TM7SF3: variants seen among roughly 807,000 people sequenced by gnomAD.
TM7SF3 encodes the protein transmembrane 7 superfamily member 3.
Under a neutral mutation model 65.5 loss-of-function variants are expected in TM7SF3, and 60 were observed. The ratio of observed to expected loss-of-function variants is 0.92; its 90% confidence interval spans 0.74 to 1.14. TM7SF3 has a LOEUF of 1.14. Among genes scored for constraint, TM7SF3 ranks in the 50% most tolerant of loss-of-function variants. The pLI, the probability that TM7SF3 is intolerant of heterozygous loss-of-function variation, is 0.00. For missense variants in TM7SF3, 623 were observed against 684.8 expected (o/e 0.91, Z 1.01); for synonymous variants, 264 against 259.6 (o/e 1.02, Z -0.16).
Position 27,003,859 on chromosome 12 carries a change from T to C in TM7SF3, c.92-469A>G, listed in dbSNP as rs190705293. Among the ~76,000 whole-genome samples, 208 of 152,354 alleles carry C rather than the reference T, an allele frequency of 1.4e-3. 1 individual carries two copies. Among genetic ancestry groups the C allele is most frequent in the African/African-American group, 4.8e-3 (199 of 41,580 alleles). On this transcript the variant is annotated intron_variant, in intron 1 of 11. Transcript: ENST00000343028. Reference sequence around the variant, plus strand: ...ATTTAATACCGGTGTTTACCAGCTGTGTGATTTTAGGCACGTTCCTTAAAT... The same window carrying C: ...ATTTAATACCGGTGTTTACCAGCTGCGTGATTTTAGGCACGTTCCTTAAAT...
In TM7SF3 at chr12:26,995,338, A is replaced by G. The variant is rs1346333816; in HGVS notation, c.589T>C (p.Tyr197His). The change falls in exon 5 of 12, where the codon TAT (tyrosine) becomes CAT (histidine). Residue 197 changes from tyrosine to histidine, a missense_variant. Coordinates refer to ENST00000343028, the MANE Select transcript of TM7SF3 (RefSeq NM_016551.3). ...DSRWRLQYDV[Y>H]QYFLPENDLT... is the part of the protein sequence containing the mutation. ...TCATTCTCAGGCAGAAAATACTGAT[A>G]GACATCATACTGCAACCTCCACCTG... The G allele has an allele frequency of 6.2e-7, 1 of 1,614,168 alleles. No individual in the cohort carries two copies. Among genetic ancestry groups the G allele is most frequent in the Admixed American group, 1.7e-5 (1 of 59,998 alleles).
intron 11 of TM7SF3, 145 bp from the exon 12 acceptor site, chr12:26,974,372 G>C (rs754057481): frequency 1.2e-6 from 1 of 847,250 alleles, no homozygotes; most frequent in Non-Finnish European, 1.8e-6. Context: ...TAGTTCCTCA[G>C]TTACAAACCA....
chr12:27,008,930 T>G (rs1312723381), intron 1 of TM7SF3, among the ~76,000 whole-genome samples: 1 of 152,208 alleles, frequency 6.6e-6, no homozygotes, highest in African/African-American at 2.4e-5. Context: ...ATTCCAGTGA[T>G]GGATACACTA....
At chr12:26,977,016 A>G (rs3782314) in intron 9 of TM7SF3, among the ~76,000 whole-genome samples, 42,463 of 152,104 alleles carry the variant, frequency 0.28, 6,409 homozygotes, top group East Asian at 0.42. Context: ...ACTCCTCTTT[A>G]TAAATTAAGT....
chr12:26,987,893 G>A (rs1940167988), intron 6 of TM7SF3, among the ~76,000 whole-genome samples: 1 of 152,028 alleles, frequency 6.6e-6, no homozygotes, highest in Non-Finnish European at 1.5e-5. Flanking sequence ...TAAATAAAGA[G>A]ACAAGTGTCT....
At chr12:27,013,208 T>C (rs1941317387) in intron 1 of TM7SF3, among the ~76,000 whole-genome samples, 1 of 152,232 alleles carries the variant, frequency 6.6e-6, no homozygotes, top group South Asian at 2.1e-4. Context: ...TTCCTGTTGG[T>C]AGCTGCAATG....
At chr12:26,998,938 CT>C (rs1389555233) in intron 3 of TM7SF3, among the ~76,000 whole-genome samples, 1 of 152,182 alleles carries the variant, frequency 6.6e-6, no homozygotes, top group Non-Finnish European at 1.5e-5. Context: ...TGACGTCGAG[CT>C]TACTGCTTCT....
At chr12:26,984,103 T>A (rs1472572234) in intron 6 of TM7SF3, among the ~76,000 whole-genome samples, 1 of 152,022 alleles carries the variant, frequency 6.6e-6, no homozygotes, top group African/African-American at 2.4e-5. Flanking sequence ...TACCTAAATA[T>A]CAGCTTTTCT....
At chr12:26,980,128 T>C (rs369173061) in intron 8 of TM7SF3, 192 bp from the exon 9 acceptor site, 5 of 641,248 alleles carry the variant, frequency 7.8e-6, no homozygotes, top group East Asian at 5.5e-5. Flanking sequence ...GACAAGGAAA[T>C]TAGCTAGGGA....
intron 5 of TM7SF3, 87 bp from the exon 6 acceptor site, chr12:26,990,714 G>A (rs1940318616): frequency 1.0e-6 from 1 of 960,302 alleles, no homozygotes; most frequent in Non-Finnish European, 1.6e-6. Context: ...AATATTAAAT[G>A]GTATATTCAT....
rs1939382185 is a variant in TM7SF3, at chr12:26,972,040, A to T, written c.*1925T>A. On this transcript the variant is annotated 3_prime_UTR_variant, in exon 12 of 12. Coordinates refer to ENST00000343028, the MANE Select transcript of TM7SF3 (RefSeq NM_016551.3). ...AATAGTGGTTAACTCATAAACGTGT[A>T]TGCAACAACATTCCACAACCCTAAT... 6.6e-6 allele frequency: 1 copy of T among 152,234 alleles called. No individual in the cohort carries two copies. The highest frequency in any genetic ancestry group is 2.1e-4 in the South Asian group (1 of 4,832). 9.4% of individuals were successfully genotyped at this position (152,234 alleles called of 1,614,324 possible). A position where few individuals can be genotyped will look rare whatever the true frequency, so the allele number is the denominator to read the frequency against.
chr12:26,982,951 T>G, intron 6 of TM7SF3, 92 bp from the exon 7 acceptor site: 1 of 862,372 alleles, frequency 1.2e-6, no homozygotes, highest in Non-Finnish European at 1.7e-6. Flanking sequence ...AAAAGCTAAG[T>G]GAACTGACAT....
chr12:27,005,421 G>C (rs971939101), intron 1 of TM7SF3, among the ~76,000 whole-genome samples: 1 of 152,100 alleles, frequency 6.6e-6, no homozygotes, highest in Non-Finnish European at 1.5e-5. Context: ...AATTCATAAA[G>C]GTTATCCAAG....
rs554840626 is a variant in TM7SF3, at chr12:26,979,025, C to T, written c.1189+759G>A. The T allele has an allele frequency of 2.6e-5, 4 of 152,266 alleles. No individual in the cohort carries two copies. In the East Asian group the frequency reaches 7.7e-4, roughly 29 times the overall value. The allele number at this position is 152,266 out of a possible 1,614,324, so 9.4% of individuals were successfully genotyped here. On this transcript the variant is annotated intron_variant, in intron 9 of 11. Coordinates refer to ENST00000343028, the MANE Select transcript of TM7SF3 (RefSeq NM_016551.3). ...TCCAGTAGTCTTAGAAAAAAAAAGTCTTCAGAGAGACAAGGGACACATGAC... is the reference window on the plus strand; with the variant it reads ...TCCAGTAGTCTTAGAAAAAAAAAGTTTTCAGAGAGACAAGGGACACATGAC...
At chr12:26,980,228 T>C in intron 8 of TM7SF3, 1 of 552,026 alleles carries the variant, frequency 1.8e-6, no homozygotes, top group South Asian at 2.3e-5. Context: ...TTAAACATAA[T>C]GGGGTAGGGA....
rs546621634 is a variant in TM7SF3 at position 27,004,067 on chromosome 12, T to C, written c.92-677A>G. Among the ~76,000 whole-genome samples the C allele has an allele frequency of 3.9e-5, 6 of 152,306 alleles. No individual in the cohort carries two copies. The East Asian group carries it at 7.7e-4, about 20-fold the overall frequency. On this transcript the variant is annotated intron_variant, in intron 1 of 11. Transcript: ENST00000343028. ...GATCAAACTGAGTCCATAAAAAAGA[T>C]AGGTTATAACAAGAACAGTTTTTCA...
rs760623985 is a variant in TM7SF3 at position 26,995,383 on chromosome 12, C to T, written c.544G>A (p.Ala182Thr). The T allele has an allele frequency of 3.1e-6, 5 of 1,614,172 alleles. No homozygotes were observed. The highest frequency in any genetic ancestry group is 1.7e-4 in the Middle Eastern group (1 of 6,060). ...ARGVDPPPCD[A>T]GTDQDSRWRL... ...CACCTGGAGTCCTGGTCTGTCCCAG[C>T]GTCACATGGTGGGGGATCTACGCCT... is the stretch of plus-strand genomic sequence containing the variant. Residue 182 changes from alanine (A) to threonine (T), a missense_variant, in exon 5 of 12, where the codon GCT (alanine) becomes ACT (threonine). By Grantham distance (58) the Ala-to-Thr change is moderately conservative (BLOSUM62 0). Transcript: ENST00000343028.
At chr12:26,985,685 A>ACG (rs1320652969) in intron 6 of TM7SF3, among the ~76,000 whole-genome samples, 13 of 140,378 alleles carry the variant, frequency 9.3e-5, no homozygotes, top group African/African-American at 3.4e-4. Flanking sequence ...ATATACACAC[A>ACG]CACAAACATA....
chr12:27,006,097 G>T (rs560430922), intron 1 of TM7SF3, among the ~76,000 whole-genome samples: 1 of 150,886 alleles, frequency 6.6e-6, no homozygotes, highest in Non-Finnish European at 1.5e-5. Context: ...ACCCTGCCCG[G>T]CTGATTTTTC....
Sources: allele counts gnomAD v4.1 joint callset (sites outside exome capture counted in the v4.1 genomes callset), GRCh38; gene constraint gnomAD v4.1.1; transcripts MANE v1.5; gene names NCBI Gene and HGNC (gene_info 2026-07-23, HGNC 2026-07-21).